Variants in DGKH observed in about 807,000 individuals in gnomAD.
DGKH encodes DAG kinase eta.
DGKH carries 90 observed loss-of-function variants against 159.3 expected under a neutral mutation model. The observed-to-expected ratio is 0.57, with a 90% CI of 0.48 to 0.67. DGKH has a LOEUF of 0.67. Among genes scored for constraint, DGKH ranks in the 30% least tolerant of loss-of-function variants. DGKH has a pLI of 0.00. For synonymous variants in DGKH, 536 were observed against 553.8 expected, an observed-to-expected ratio of 0.97 and a Z score of 0.45; for missense variants, 1,181 against 1,506.1, an observed-to-expected ratio of 0.78 and a Z score of 3.57.
At chr13:42,221,989 T>G (rs35321674) in intron 29 of DGKH, among the ~76,000 whole-genome samples, 17,472 of 152,232 alleles carry the variant, frequency 0.11, 1,570 homozygotes, top group East Asian at 0.48. Flanking sequence ...TTTTCTTTAG[T>G]AAACGAGGTA....
chr13:42,248,981 T>C (rs1958601261), intron 29 of DGKH, among the ~76,000 whole-genome samples: 1 of 152,246 alleles, frequency 6.6e-6, no homozygotes, highest in African/African-American at 2.4e-5. Context: ...ATATACATGA[T>C]ATATAAGCAG....
At chr13:42,165,500 C>A in intron 8 of DGKH, 67 bp downstream of exon 8, 1 of 835,526 alleles carries the variant, frequency 1.2e-6, no homozygotes, top group Non-Finnish European at 1.7e-6. Flanking sequence ...TATTTCTTTT[C>A]CTAGAATAAT....
intron 29 of DGKH, among the ~76,000 whole-genome samples, chr13:42,227,874 A>T (rs968865053): frequency 6.6e-6 from 1 of 152,208 alleles, no homozygotes; most frequent in African/African-American, 2.4e-5. Context: ...TCAAAAGTTG[A>T]AAAATAAATA....
At chr13:42,067,036 T>C (rs1188849678) in intron 1 of DGKH, among the ~76,000 whole-genome samples, 1 of 152,142 alleles carries the variant, frequency 6.6e-6, no homozygotes, top group Non-Finnish European at 1.5e-5. Context: ...TATACACATA[T>C]TCTTTAAACA....
Position 42,237,743 on chromosome 13 carries a change from T to C in DGKH, c.*8555T>C, listed in dbSNP as rs1958446893. 6.6e-6 allele frequency: 1 copy of C among 152,202 alleles called. No homozygotes were observed. The highest frequency in any genetic ancestry group is 2.4e-5 in the African/African-American group (1 of 41,446). 9.4% of individuals were successfully genotyped at this position (152,202 alleles called of 1,614,324 possible). On this transcript the variant is annotated 3_prime_UTR_variant, in exon 30 of 30. Transcript: ENST00000337343. ...ATGGAGTCCACACAAGGGTTTATGA[T>C]GTGGGGCAAATATCTGTGCTTTCTC...
chr13:42,110,236 CCT>C (rs1437414727), intron 1 of DGKH, among the ~76,000 whole-genome samples: 2 of 152,126 alleles, frequency 1.3e-5, no homozygotes, highest in African/African-American at 2.4e-5. Context: ...TGCACTTCAC[CCT>C]GTTTCCCATC....
intron 1 of DGKH, among the ~76,000 whole-genome samples, chr13:42,040,366 C>T (rs868827824): frequency 6.6e-6 from 1 of 152,022 alleles, no homozygotes; most frequent in Non-Finnish European, 1.5e-5. Flanking sequence ...GCGCGCCCGG[C>T]CCCGGGGGAG....
At chr13:42,046,421 T>C (rs1334967055), upstream of DGKH, among the ~76,000 whole-genome samples, 1 of 152,192 alleles carries the variant, frequency 6.6e-6, no homozygotes, top group Non-Finnish European at 1.5e-5. Flanking sequence ...GAGAAGAGGC[T>C]AGTAAGTCAG....
At chr13:42,207,494 G>A (rs1210912020) in intron 21 of DGKH, among the ~76,000 whole-genome samples, 1 of 151,460 alleles carries the variant, frequency 6.6e-6, no homozygotes. Flanking sequence ...TCCAGCCTCA[G>A]TACTTTTAAT....
At chr13:42,194,855 C>T (rs1354750501) in intron 16 of DGKH, 30 bp from the exon 17 acceptor site, 5 of 1,596,930 alleles carry the variant, frequency 3.1e-6, no homozygotes, top group Non-Finnish European at 4.3e-6. Flanking sequence ...TTATCATTAT[C>T]TCTTTTTAAT....
At position 42,189,044 on chromosome 13, in the gene DGKH, C is replaced by T. The variant is rs1430221714; in HGVS notation, c.1647C>T (p.Val549=). Residue 549 remains valine (V), a synonymous_variant, in exon 15 of 30, where the codon GTC becomes GTT. Coordinates refer to ENST00000337343, the MANE Select transcript of DGKH (RefSeq NM_178009.5). ...CCATATTTTCCTCTCAGTGTTCAGT[C>T]CTAAACGAGAAGCTCGAACAACTGC... ...VADAVASKCS[V]LNEKLEQLLQ... The T allele has an allele frequency of 4.3e-6, 7 of 1,614,154 alleles. No individual in the cohort carries two copies. The South Asian group carries it at 6.6e-5, about 15-fold the overall frequency.
intron 3 of DGKH, among the ~76,000 whole-genome samples, chr13:42,131,180 T>G (rs1955281518): frequency 6.6e-6 from 1 of 152,174 alleles, no homozygotes; most frequent in African/African-American, 2.4e-5. Context: ...GGTAACTGTT[T>G]TCTAAAAGCT....
At chr13:42,256,205 C>T in intron 30 of DGKH, 1 of 1,331,650 alleles carries the variant, frequency 7.5e-7, no homozygotes. Flanking sequence ...CAGCAGTGGA[C>T]ATTTTGAGTT....
intron 1 of DGKH, among the ~76,000 whole-genome samples, chr13:42,092,327 T>C (rs774380134): frequency 3.3e-5 from 5 of 152,190 alleles, no homozygotes; most frequent in Non-Finnish European, 7.4e-5. Context: ...AGTCAAGATA[T>C]GGAATCAACC....
intron 1 of DGKH, chr13:42,066,185 C>G (rs569614414): frequency 6.6e-6 from 1 of 152,276 alleles, no homozygotes; most frequent in Admixed American, 6.5e-5. Flanking sequence ...TGTGAGCCAC[C>G]GCGCCCAGCC....
In DGKH at chr13:42,219,762, A is replaced by G. The variant is rs757545191; in HGVS notation, c.3410A>G (p.Lys1137Arg). 6.2e-7 allele frequency: 1 copy of G among 1,613,698 alleles called. No homozygotes were observed. Among genetic ancestry groups the G allele is most frequent in the Admixed American group, 1.7e-5 (1 of 60,000 alleles). The change falls in exon 28 of 30, where the codon AAG becomes AGG. Residue 1137 changes from lysine (K) to arginine (R), a missense_variant. Lys to Arg is a conservative substitution (Grantham distance 26). Coordinates refer to ENST00000337343, the MANE Select transcript of DGKH (RefSeq NM_178009.5). ...FRIVPKFKKE[K>R]VQKQKTSSQP... Reference sequence around the variant, plus strand: ...ATAGTGCCAAAGTTTAAAAAGGAAAAGGTTCAGAAGCAGAAGACAAGTTCA... The same window carrying G: ...ATAGTGCCAAAGTTTAAAAAGGAAAGGGTTCAGAAGCAGAAGACAAGTTCA...
chr13:42,139,764 A>T (rs761336164), intron 3 of DGKH, among the ~76,000 whole-genome samples: 2 of 152,204 alleles, frequency 1.3e-5, no homozygotes, highest in Non-Finnish European at 2.9e-5. Context: ...ATACAGTGCT[A>T]AATAAAAAAA....
chr13:42,194,684 T>A (rs1957160681), intron 16 of DGKH, among the ~76,000 whole-genome samples: 1 of 152,250 alleles, frequency 6.6e-6, no homozygotes, highest in Admixed American at 6.5e-5. Flanking sequence ...TTTCTACTGA[T>A]ATTCATTGAT....
chr13:42,059,068 C>T (rs1040048484), intron 1 of DGKH, among the ~76,000 whole-genome samples: 3 of 152,050 alleles, frequency 2.0e-5, no homozygotes, highest in Non-Finnish European at 4.4e-5. Flanking sequence ...AGTATTCCTA[C>T]CTTGTAAGGT....
Sources: allele counts gnomAD v4.1 joint callset (sites outside exome capture counted in the v4.1 genomes callset), GRCh38; gene constraint gnomAD v4.1.1; transcripts MANE v1.5; gene names NCBI Gene and HGNC (gene_info 2026-07-23, HGNC 2026-07-21).